Variants in KHDC1L observed in about 807,000 individuals in gnomAD.
The protein encoded by KHDC1L is KH domain containing 1 like.
KHDC1L carries 5 observed loss-of-function variants against 11.2 expected under a neutral mutation model. The ratio of observed to expected loss-of-function variants is 0.45; its 90% CI spans 0.23 to 0.94. The LOEUF is 0.94. Ranked by LOEUF, KHDC1L falls within the 40% of genes least tolerant of loss-of-function variation. The pLI, the probability that KHDC1L is intolerant of heterozygous loss-of-function variation, is 0.22. For synonymous variants in KHDC1L, 66 were observed against 62.7 expected, an observed-to-expected ratio of 1.05 and a Z score of -0.25; for missense variants, 168 against 165.8, an observed-to-expected ratio of 1.01 and a Z score of -0.07.
chr6:73,223,782 G>A lies in KHDC1L; in HGVS notation c.353C>T (p.Thr118Ile), dbSNP rs1224649638. The change falls in exon 3 of 3, where the codon ACC becomes ATC. Residue 118 changes from threonine (T) to isoleucine (I), a missense_variant. By Grantham distance (89) the Thr-to-Ile change is moderately conservative (BLOSUM62 -1). Coordinates refer to ENST00000370388, the MANE Select transcript of KHDC1L (RefSeq NM_001126063.3). ...SQPLTNDDLV[T>I]SVSLPPYTGD ...GGTGTACGGTGGCAGGCTAACGGAGGTGACCAGGTCATCATTGGTCAGGGG... is the reference window on the plus strand; with the variant it reads ...GGTGTACGGTGGCAGGCTAACGGAGATGACCAGGTCATCATTGGTCAGGGG... 2 of 1,607,928 alleles carry A rather than the reference G, an allele frequency of 1.2e-6. No individual in the cohort carries two copies. The highest frequency in any genetic ancestry group is 1.3e-5 in the African/African-American group (1 of 74,964).
chr6:73,223,872 G>A (rs1160751944), intron 2 of KHDC1L, 33 bp from the exon 3 acceptor site: 6 of 1,527,082 alleles, frequency 3.9e-6, no homozygotes, highest in Non-Finnish European at 5.3e-6. Context: ...TGAAGAACCA[G>A]AGTCCCATTA....
Position 73,224,792 on chromosome 6 carries a change from A to C in KHDC1L, c.113-444T>G, listed in dbSNP as rs1367611965. ...ATATCAAAAAAAAAAAAAAAAAAAAAAACACGAGGCCGGGCGCAGTGGCTC... is the reference window on the plus strand; with the variant it reads ...ATATCAAAAAAAAAAAAAAAAAAAACAACACGAGGCCGGGCGCAGTGGCTC... On this transcript the variant is annotated intron_variant, in intron 1 of 2. Transcript: ENST00000370388. Among the ~76,000 whole-genome samples, 13 of 145,718 alleles carry C rather than the reference A, an allele frequency of 8.9e-5. 1 individual carries two copies. Among genetic ancestry groups the C allele is most frequent in the Non-Finnish European group, 6.0e-5 (4 of 66,416 alleles).
At position 73,223,553 on chromosome 6, in the gene KHDC1L, T is replaced by C. The variant is rs1409875305; in HGVS notation, c.*195A>G. The C allele has an allele frequency of 7.3e-6, 4 of 546,450 alleles. No homozygotes were observed. In the East Asian group the frequency reaches 1.2e-4, roughly 17 times the overall value. The allele number at this position is 546,450 out of a possible 1,614,324, so 33.9% of individuals were successfully genotyped here. A position where few individuals can be genotyped will look rare whatever the true frequency, so the allele number is the denominator to read the frequency against. ...ACAGCACATCGAAGGCTTTGCATCA[T>C]AGGTAGCTTATTTTATTGGATTGCT... On this transcript the variant is annotated 3_prime_UTR_variant, in exon 3 of 3. Coordinates refer to ENST00000370388, the MANE Select transcript of KHDC1L (RefSeq NM_001126063.3).
In KHDC1L at chr6:73,223,550, T is replaced by C. The variant is rs188176994; in HGVS notation, c.*198A>G. 1.5e-5 allele frequency: 8 copies of C among 542,858 alleles called. No individual in the cohort carries two copies. The highest frequency in any genetic ancestry group is 2.7e-5 in the Non-Finnish European group (8 of 300,832). 33.6% of individuals were successfully genotyped at this position (542,858 alleles called of 1,614,324 possible). A position where few individuals can be genotyped will look rare whatever the true frequency, so the allele number is the denominator to read the frequency against. Reference sequence around the variant, plus strand: ...AGGACAGCACATCGAAGGCTTTGCATCATAGGTAGCTTATTTTATTGGATT... The same window carrying C: ...AGGACAGCACATCGAAGGCTTTGCACCATAGGTAGCTTATTTTATTGGATT... On this transcript the variant is annotated 3_prime_UTR_variant, in exon 3 of 3. Coordinates refer to ENST00000370388, the MANE Select transcript of KHDC1L (RefSeq NM_001126063.3).
At position 73,223,661 on chromosome 6, in the gene KHDC1L, AT is replaced by A; in HGVS notation, c.*86del. 2.6e-6 allele frequency: 3 copies of A among 1,171,060 alleles called. No individual in the cohort carries two copies. The highest frequency in any genetic ancestry group is 2.4e-4 in the Middle Eastern group (1 of 4,088). 72.5% of individuals were successfully genotyped at this position (1,171,060 alleles called of 1,614,324 possible). On this transcript the variant is annotated 3_prime_UTR_variant, in exon 3 of 3. Transcript: ENST00000370388. ...CTGAGAGGGGCAGGTCTGGCCACAA[AT>A]TCAAACTTTCTTCAGTGTTTTTCAT...
chr6:73,225,083 G>C (rs1270583968), intron 1 of KHDC1L, among the ~76,000 whole-genome samples: 2 of 131,348 alleles, frequency 1.5e-5, no homozygotes, highest in African/African-American at 3.0e-5. Context: ...ACTCCGTCTC[G>C]AGTCTCAAAA....
chr6:73,223,665 A>T lies in KHDC1L; in HGVS notation c.*83T>A. On this transcript the variant is annotated 3_prime_UTR_variant, in exon 3 of 3. Coordinates refer to ENST00000370388, the MANE Select transcript of KHDC1L (RefSeq NM_001126063.3). ...GAGGGGCAGGTCTGGCCACAAATTC[A>T]AACTTTCTTCAGTGTTTTTCATGTC... The T allele has an allele frequency of 8.2e-7, 1 of 1,213,996 alleles. No individual in the cohort carries two copies. The highest frequency in any genetic ancestry group is 2.1e-5 in the Admixed American group (1 of 48,086). The allele number at this position is 1,213,996 out of a possible 1,614,324, so 75.2% of individuals were successfully genotyped here.
At chr6:73,224,107 C>T in intron 2 of KHDC1L, 59 bp downstream of exon 2, 1 of 1,482,886 alleles carries the variant, frequency 6.7e-7, no homozygotes, top group Non-Finnish European at 9.0e-7. Context: ...TGCCACACAA[C>T]ACAGCCAGAA....
rs1294025169 is a variant in KHDC1L at position 73,224,323 on chromosome 6, GC to G, written c.137del (p.Cys46SerfsTer24). 1.3e-6 allele frequency: 2 copies of G among 1,590,244 alleles called. No homozygotes were observed. Among genetic ancestry groups the G allele is most frequent in the Non-Finnish European group, 1.7e-6 (2 of 1,167,460 alleles). On this transcript the variant is annotated frameshift_variant, in exon 2 of 3. Coordinates refer to ENST00000370388, the MANE Select transcript of KHDC1L (RefSeq NM_001126063.3). LOFTEE classifies it high-confidence loss of function. ...IFGLDDTYLRCIELHSHTLIQ... is the reference protein window; with the variant it reads ...IFGLDDTYLRXIELHSHTLIQ... ...TAAGGGTGTGGCTGTGCAGCTCAAT[GC>G]AGCGAAGGTACGTGTCATCAAGTCC... is the stretch of plus-strand genomic sequence containing the variant.
rs1766311514 is a variant in KHDC1L, at chr6:73,224,036, A to G, written c.295+130T>C. ...ACAAAAATGAGCCCTTCCCTTCCCA[A>G]TGGACTCTGGGAAGCACCTGGATTC... On this transcript the variant is annotated intron_variant, in intron 2 of 2. Coordinates refer to ENST00000370388, the MANE Select transcript of KHDC1L (RefSeq NM_001126063.3). 14 of 1,179,792 alleles carry G rather than the reference A, an allele frequency of 1.2e-5. No individual in the cohort carries two copies. The Admixed American group carries it at 1.3e-4, about 11-fold the overall frequency. 73.1% of individuals were successfully genotyped at this position (1,179,792 alleles called of 1,614,324 possible). A position where few individuals can be genotyped will look rare whatever the true frequency, so the allele number is the denominator to read the frequency against.
chr6:73,225,387 G>A lies in KHDC1L; in HGVS notation c.22C>T (p.Leu8Phe), dbSNP rs143454141. The change falls in exon 1 of 3, where the codon CTC becomes TTC. Residue 8 changes from leucine (L) to phenylalanine (F), a missense_variant. Coordinates refer to ENST00000370388, the MANE Select transcript of KHDC1L (RefSeq NM_001126063.3). Reference sequence around the variant, plus strand: ...AGGGTCCACCACGGCTCCTTGCTGAGAGCACTCGTTCCCACGGCCATGCTG... The same window carrying A: ...AGGGTCCACCACGGCTCCTTGCTGAAAGCACTCGTTCCCACGGCCATGCTG... MAVGTSALSKEPWWTLPE... is the reference protein window; with the variant it reads MAVGTSAFSKEPWWTLPE... 1 of 1,613,876 alleles carries A rather than the reference G, an allele frequency of 6.2e-7. No individual in the cohort carries two copies. The highest frequency in any genetic ancestry group is 2.2e-5 in the East Asian group (1 of 44,878).
rs760188736 is a variant in KHDC1L, at chr6:73,225,411, T to A, written c.-3A>T. The A allele has an allele frequency of 3.7e-6, 6 of 1,610,824 alleles. No individual in the cohort carries two copies. In the African/African-American group the frequency reaches 8.0e-5, roughly 21 times the overall value. ...AGAGCACTCGTTCCCACGGCCATGC[T>A]GTGCTCCCACCTGATTCAGAATAGG... On this transcript the variant is annotated 5_prime_UTR_variant, in exon 1 of 3. Transcript: ENST00000370388.
rs780460920 is a variant in KHDC1L at position 73,223,763 on chromosome 6, C to G, written c.372G>C (p.Pro124=). 4 of 1,606,306 alleles carry G rather than the reference C, an allele frequency of 2.5e-6. No individual in the cohort carries two copies. The South Asian group carries it at 4.5e-5, about 18-fold the overall frequency. The change falls in exon 3 of 3, where the codon CCG becomes CCC. Residue 124 remains proline (P), a synonymous_variant. Coordinates refer to ENST00000370388, the MANE Select transcript of KHDC1L (RefSeq NM_001126063.3). ...CCAGGGGAGATCAGTCTCCGGTGTA[C>G]GGTGGCAGGCTAACGGAGGTGACCA... ...DDLVTSVSLP[P]YTGD
intron 2 of KHDC1L, 76 bp downstream of exon 2, chr6:73,224,090 T>A (rs1766312132): frequency 6.9e-7 from 1 of 1,451,570 alleles, no homozygotes; most frequent in African/African-American, 1.4e-5. Flanking sequence ...TCTTCACGAA[T>A]CCAAGATGCC....
At chr6:73,224,573 C>A (rs902654231) in intron 1 of KHDC1L, among the ~76,000 whole-genome samples, 3 of 151,484 alleles carry the variant, frequency 2.0e-5, no homozygotes, top group Non-Finnish European at 4.4e-5. Flanking sequence ...TCAGGAGTTC[C>A]ACACACGCCT....
At position 73,224,209 on chromosome 6, in the gene KHDC1L, C is replaced by G; in HGVS notation, c.252G>C (p.Met84Ile). 1 of 1,574,544 alleles carries G rather than the reference C, an allele frequency of 6.4e-7. No individual in the cohort carries two copies. Among genetic ancestry groups the G allele is most frequent in the South Asian group, 1.2e-5 (1 of 85,826 alleles). ...PPMAKQWLLL[M>I]FHCVGSQDSK... Reference sequence around the variant, plus strand: ...AGTCCTGGCTCCCCACGCAATGGAACATGAGCAGCAGCCACTGCTTTGCCA... The same window carrying G: ...AGTCCTGGCTCCCCACGCAATGGAAGATGAGCAGCAGCCACTGCTTTGCCA... The change falls in exon 2 of 3, where the codon ATG (methionine) becomes ATC (isoleucine). Residue 84 changes from methionine to isoleucine, a missense_variant. Transcript: ENST00000370388.
At position 73,225,273 on chromosome 6, in the gene KHDC1L, G is replaced by A. The variant is rs1464194396; in HGVS notation, c.112+24C>T. 3.1e-6 allele frequency: 5 copies of A among 1,598,462 alleles called. No homozygotes were observed. In the Admixed American group the frequency reaches 6.8e-5, roughly 22 times the overall value. On this transcript the variant is annotated intron_variant, in intron 1 of 2. Transcript: ENST00000370388. ...TAAAAATAAAAAACAGATGAAGGAG[G>A]GGACGTGGGCAAAGGCCACTCACCG...
At chr6:73,224,029 C>T (rs751106327) in intron 2 of KHDC1L, 137 bp downstream of exon 2, 8 of 1,154,916 alleles carry the variant, frequency 6.9e-6, no homozygotes, top group Non-Finnish European at 7.3e-6. Context: ...GAGCCCTTCC[C>T]TTCCCAATGG....
Position 73,225,458 on chromosome 6 carries a change from G to T in KHDC1L, c.-50C>A. On this transcript the variant is annotated 5_prime_UTR_variant, in exon 1 of 3. Coordinates refer to ENST00000370388, the MANE Select transcript of KHDC1L (RefSeq NM_001126063.3). ...TAGGGGAAAGTCTAACAAACTGGTT[G>T]GCAAAAGACTTGGAAAAGCGAGGAA... is the stretch of plus-strand genomic sequence containing the variant. 1 of 1,409,480 alleles carries T rather than the reference G, an allele frequency of 7.1e-7. No individual in the cohort carries two copies. Among genetic ancestry groups the T allele is most frequent in the Non-Finnish European group, 1.0e-6 (1 of 998,196 alleles). 87.3% of individuals were successfully genotyped at this position (1,409,480 alleles called of 1,614,324 possible).
Sources: allele counts gnomAD v4.1 joint callset (sites outside exome capture counted in the v4.1 genomes callset), GRCh38; gene constraint gnomAD v4.1.1; transcripts MANE v1.5; gene names NCBI Gene and HGNC (gene_info 2026-07-23, HGNC 2026-07-21).